FOXN3: variants seen among roughly 807,000 people sequenced by gnomAD.
FOXN3 encodes the protein forkhead box protein N3.
In FOXN3, 7 loss-of-function variants were observed where a neutral mutation model predicts 38.4. The ratio of observed to expected loss-of-function variants is 0.18; its 90% CI spans 0.10 to 0.34. The LOEUF (loss-of-function observed/expected upper bound fraction) is 0.34. Ranked by LOEUF, FOXN3 falls within the 10% of genes least tolerant of loss-of-function variation. The pLI is 1.00. For synonymous variants in FOXN3, 230 were observed against 242.2 expected (o/e 0.95, Z 0.47); for missense variants, 456 against 613.4 (o/e 0.74, Z 2.71).
intron 1 of FOXN3, among the ~76,000 whole-genome samples, chr14:89,513,150 G>GAAAAA (rs36003791): frequency 2.0e-5 from 2 of 102,068 alleles, no homozygotes; most frequent in Admixed American, 1.2e-4. Flanking sequence ...TCCATCTCAG[G>GAAAAA]AAAAAAAAAA....
intron 1 of FOXN3, among the ~76,000 whole-genome samples, chr14:89,522,865 A>G (rs1894351024): frequency 6.6e-6 from 1 of 152,090 alleles, no homozygotes; most frequent in Non-Finnish European, 1.5e-5. Flanking sequence ...CAATCAAATC[A>G]ATAATCACGT....
At chr14:89,200,906 T>C (rs996382582) in intron 4 of FOXN3, among the ~76,000 whole-genome samples, 4 of 152,130 alleles carry the variant, frequency 2.6e-5, no homozygotes, top group African/African-American at 4.8e-5. Flanking sequence ...CAAAGAACCA[T>C]GTGGACAGAA....
rs901334250 is a variant in FOXN3 at position 89,588,210 on chromosome 14, C to G, written c.-15+30818G>C. Among the ~76,000 whole-genome samples, 10 of 152,118 alleles carry G rather than the reference C, an allele frequency of 6.6e-5. No homozygotes were observed. The South Asian group carries it at 1.7e-3, about 25-fold the overall frequency. Reference sequence around the variant, plus strand: ...CAGGCCATGTGACATGCCTGCTCCCCCTTTGCCTTCTGCCATGACTGTACA... The same window carrying G: ...CAGGCCATGTGACATGCCTGCTCCCGCTTTGCCTTCTGCCATGACTGTACA... On this transcript the variant is annotated intron_variant, in intron 1 of 6. Transcript: ENST00000345097.
intron 5 of FOXN3, among the ~76,000 whole-genome samples, chr14:89,174,047 T>G (rs1314383792): frequency 1.3e-5 from 2 of 152,002 alleles, no homozygotes; most frequent in South Asian, 4.2e-4. Context: ...ACTGTAAAGA[T>G]GAACACTACG....
At chr14:89,431,247 A>G (rs1291068705) in intron 1 of FOXN3, among the ~76,000 whole-genome samples, 1 of 151,864 alleles carries the variant, frequency 6.6e-6, no homozygotes, top group Non-Finnish European at 1.5e-5. Flanking sequence ...CCCAGGCTGG[A>G]TGGAGTGCAG....
intron 2 of FOXN3, chr14:89,401,786 G>A (rs1891254484): frequency 2.5e-6 from 1 of 394,562 alleles, no homozygotes; most frequent in African/African-American, 2.1e-5. Flanking sequence ...AGCCTTCTAT[G>A]AAGCACTTCA....
intron 3 of FOXN3, among the ~76,000 whole-genome samples, chr14:89,334,890 C>T (rs61983122): frequency 0.18 from 27,104 of 151,802 alleles, 2,804 homozygotes; most frequent in South Asian, 0.3. Flanking sequence ...CCTCAGCCGC[C>T]CCAGTAGCTG....
intron 4 of FOXN3, among the ~76,000 whole-genome samples, chr14:89,249,598 C>T (rs761258421): frequency 1.4e-4 from 22 of 152,182 alleles, no homozygotes; most frequent in Non-Finnish European, 2.2e-4. Context: ...ATTACTACAC[C>T]ATTCATTTGG....
intron 1 of FOXN3, among the ~76,000 whole-genome samples, chr14:89,589,280 C>A (rs369260839): frequency 1.3e-5 from 2 of 152,156 alleles, no homozygotes; most frequent in African/African-American, 4.8e-5. Context: ...CAGACCACTA[C>A]CCAGACTTAC....
chr14:89,409,670 G>C (rs1326638334), intron 2 of FOXN3, among the ~76,000 whole-genome samples: 1 of 152,124 alleles, frequency 6.6e-6, no homozygotes, highest in African/African-American at 2.4e-5. Flanking sequence ...TCTTCTCCAC[G>C]TTCTCAGTCT....
chr14:89,595,313 A>C (rs1937377518), intron 1 of FOXN3, among the ~76,000 whole-genome samples: 1 of 151,964 alleles, frequency 6.6e-6, no homozygotes, highest in Non-Finnish European at 1.5e-5. Flanking sequence ...CAATTGAGCG[A>C]GATTCCATCT....
At chr14:89,312,301 A>AAAAAAAAAAAAAAAAT (rs1887577099) in intron 3 of FOXN3, among the ~76,000 whole-genome samples, 1 of 149,834 alleles carries the variant, frequency 6.7e-6, no homozygotes, top group Non-Finnish European at 1.5e-5. Flanking sequence ...AAAAAAAAAA[A>AAAAAAAAAAAAAAAAT]GAAGCCAAGG....
intron 4 of FOXN3, among the ~76,000 whole-genome samples, chr14:89,237,029 T>C (rs1424699473): frequency 1.3e-5 from 2 of 152,144 alleles, no homozygotes; most frequent in Non-Finnish European, 2.9e-5. Context: ...GACCTAAGTT[T>C]CAGGCCCCCC....
At chr14:89,438,705 T>A (rs956283943) in intron 1 of FOXN3, among the ~76,000 whole-genome samples, 3 of 152,228 alleles carry the variant, frequency 2.0e-5, no homozygotes, top group Admixed American at 6.5e-5. Context: ...CTTCCTTGTG[T>A]TTTCTTTCAT....
At chr14:89,204,981 A>T (rs532805869) in intron 4 of FOXN3, among the ~76,000 whole-genome samples, 1 of 152,348 alleles carries the variant, frequency 6.6e-6, no homozygotes, top group East Asian at 1.9e-4. Context: ...AAATAAAAGA[A>T]TTATAGTGCA....
intron 5 of FOXN3, among the ~76,000 whole-genome samples, chr14:89,175,023 CA>C (rs1331916124): frequency 5.3e-5 from 8 of 152,194 alleles, no homozygotes; most frequent in Non-Finnish European, 7.3e-5. Flanking sequence ...TAAAGGTTGC[CA>C]CCTTCCTACA....
At chr14:89,494,537 T>G (rs187796969) in intron 1 of FOXN3, among the ~76,000 whole-genome samples, 1 of 152,334 alleles carries the variant, frequency 6.6e-6, no homozygotes, top group Non-Finnish European at 1.5e-5. Context: ...ACTTTGTCTT[T>G]CTTTTAAAAT....
intron 1 of FOXN3, among the ~76,000 whole-genome samples, chr14:89,440,711 C>T (rs570544066): frequency 7.9e-4 from 120 of 152,304 alleles, no homozygotes; most frequent in African/African-American, 2.6e-3. Flanking sequence ...TGACTCTTTT[C>T]GGACTCAGCC....
Position 89,412,524 on chromosome 14 carries a change from G to C in FOXN3, c.-14-34C>G. On this transcript the variant is annotated intron_variant, in intron 1 of 5. Coordinates refer to ENST00000557258, the MANE Select transcript of FOXN3 (RefSeq NM_005197.4). The surrounding 1 kb of genome is among the most constrained non-coding windows in gnomAD (Gnocchi z 4.7). ...GACATCACAAAGAAATGATGAGCTGGCGAGGCCCAAAACAGAAAGGCAGAC... is the reference window on the plus strand; with the variant it reads ...GACATCACAAAGAAATGATGAGCTGCCGAGGCCCAAAACAGAAAGGCAGAC... 3 of 1,535,198 alleles carry C rather than the reference G, an allele frequency of 2.0e-6. No individual in the cohort carries two copies. Among genetic ancestry groups the C allele is most frequent in the Non-Finnish European group, 2.6e-6 (3 of 1,137,234 alleles).
Sources: gnomAD v4.1 joint callset for allele counts (sites outside exome capture counted in the v4.1 genomes callset) on GRCh38, gnomAD v4.1.1 for gene constraint, Gnocchi (gnomAD v3.1) non-coding constraint, MANE v1.5 for transcripts, NCBI Gene and HGNC (gene_info 2026-07-23, HGNC 2026-07-21) for gene names.